The following ZGRF1 variants were observed in gnomAD, a reference collection of about 807,000 sequenced individuals.
The protein encoded by ZGRF1 is zinc finger GRF-type containing 1, also known as 5'-3' DNA helicase ZGRF1.
In ZGRF1, 196 loss-of-function variants were observed where a neutral mutation model predicts 203.5. That is an observed-to-expected ratio of 0.96 (90% CI 0.86 to 1.08). ZGRF1 has a LOEUF of 1.08. Among genes scored for constraint, ZGRF1 ranks in the 50% least tolerant of loss-of-function variants. The pLI, the probability that ZGRF1 is intolerant of heterozygous loss-of-function variation, is 0.00. For synonymous variants in ZGRF1, 809 were observed against 841.3 expected (o/e 0.96, Z 0.66); for missense variants, 2,326 against 2,416.3 (o/e 0.96, Z 0.78).
intron 24 of ZGRF1, among the ~76,000 whole-genome samples, chr4:112,545,869 A>G (rs939065525): frequency 6.6e-6 from 1 of 152,120 alleles, no homozygotes; most frequent in Non-Finnish European, 1.5e-5. Flanking sequence ...AATGACAAAT[A>G]CTGTATGACT....
At chr4:112,574,598 T>C (rs1014185915) in intron 16 of ZGRF1, among the ~76,000 whole-genome samples, 4 of 152,208 alleles carry the variant, frequency 2.6e-5, no homozygotes, top group Admixed American at 6.5e-5. Context: ...GGCTCACAGA[T>C]GCTTATTGTA....
chr4:112,588,779 T>C (rs924372202), intron 11 of ZGRF1, among the ~76,000 whole-genome samples: 1 of 152,192 alleles, frequency 6.6e-6, no homozygotes, highest in Non-Finnish European at 1.5e-5. Context: ...GGAGATCATC[T>C]GGAAAGTAGC....
chr4:112,571,232 T>A (rs926818630), intron 16 of ZGRF1, among the ~76,000 whole-genome samples: 2 of 152,062 alleles, frequency 1.3e-5, no homozygotes, highest in Non-Finnish European at 2.9e-5. Flanking sequence ...TATACTATCC[T>A]AAACAAAATA....
At chr4:112,566,645 T>G (rs1378375906) in intron 16 of ZGRF1, among the ~76,000 whole-genome samples, 1 of 152,084 alleles carries the variant, frequency 6.6e-6, no homozygotes, top group African/African-American at 2.4e-5. Flanking sequence ...TCATCTAAGA[T>G]GCTGAATTAG....
Position 112,539,570 on chromosome 4 carries a change from A to T in ZGRF1, c.6292T>A (p.Ser2098Thr), listed in dbSNP as rs1460204902. Residue 2098 changes from serine to threonine, a missense_variant, in exon 28 of 28, where the codon TCT (serine) becomes ACT (threonine). Coordinates refer to ENST00000505019, the MANE Select transcript of ZGRF1 (RefSeq NM_018392.5). ...KQKKKSEKEK[S>T]KDKSHS The stretch of plus-strand genomic sequence containing the variant: ...TTTTATGAATGAGATTTATCTTTAG[A>T]TTTCTCTTTTTCACTCTTTTTCTTC... 3 of 1,445,030 alleles carry T rather than the reference A, an allele frequency of 2.1e-6. No homozygotes were observed. The highest frequency in any genetic ancestry group is 2.9e-6 in the Non-Finnish European group (3 of 1,050,766). The allele number at this position is 1,445,030 out of a possible 1,614,324, so 89.5% of individuals were successfully genotyped here. A position where few individuals can be genotyped will look rare whatever the true frequency, so the allele number is the denominator to read the frequency against.
At chr4:112,596,021 GA>G (rs1748949028) in intron 10 of ZGRF1, among the ~76,000 whole-genome samples, 1 of 152,080 alleles carries the variant, frequency 6.6e-6, no homozygotes, top group African/African-American at 2.4e-5. Flanking sequence ...TTTTGTTTTA[GA>G]ACATTTTTGT....
At chr4:112,586,420 T>C (rs529636824) in intron 13 of ZGRF1, 25 bp downstream of exon 13, 4 of 1,557,740 alleles carry the variant, frequency 2.6e-6, no homozygotes, top group Admixed American at 1.9e-5. Context: ...GCAATCATGA[T>C]ACAATAAAAA....
intron 5 of ZGRF1, 68 bp from the exon 6 acceptor site, chr4:112,619,758 A>G: frequency 8.0e-7 from 1 of 1,243,690 alleles, no homozygotes; most frequent in Middle Eastern, 2.0e-4. Context: ...GAACTGGCTA[A>G]GAAAAAAAAA....
At chr4:112,606,210 T>A (rs1327271153) in intron 8 of ZGRF1, 119 bp from the exon 9 acceptor site, 6 of 655,906 alleles carry the variant, frequency 9.1e-6, no homozygotes, top group South Asian at 7.6e-5. Flanking sequence ...ACACTTGCCA[T>A]CTCTATCTTG....
chr4:112,606,470 T>A (rs1460682416), intron 8 of ZGRF1, among the ~76,000 whole-genome samples: 2 of 152,272 alleles, frequency 1.3e-5, no homozygotes, highest in African/African-American at 4.8e-5. Context: ...GAGACCAGCC[T>A]GACCACCATG....
At chr4:112,617,029 T>C (rs575975273) in intron 6 of ZGRF1, among the ~76,000 whole-genome samples, 2 of 152,012 alleles carry the variant, frequency 1.3e-5, no homozygotes, top group East Asian at 3.9e-4. Flanking sequence ...CCCAACTACT[T>C]GGGAGGCAGA....
At chr4:112,553,504 A>G (rs1740344407) in intron 22 of ZGRF1, among the ~76,000 whole-genome samples, 1 of 152,244 alleles carries the variant, frequency 6.6e-6, no homozygotes, top group Non-Finnish European at 1.5e-5. Flanking sequence ...CTAGAATACA[A>G]CTAATTTCAT....
rs539142803 is a variant in ZGRF1, at chr4:112,551,999, C to T, written c.5346+1836G>A. Among the ~76,000 whole-genome samples, 6 of 152,122 alleles carry T rather than the reference C, an allele frequency of 3.9e-5. No individual in the cohort carries two copies. In the East Asian group the frequency reaches 7.7e-4, roughly 20 times the overall value. ...CACTTTAGAAATGAGTCAGGTCTTC[C>T]GGGCGCGGTGGCTCATGCCTGTAAT... On this transcript the variant is annotated intron_variant, in intron 22 of 27. Coordinates refer to ENST00000505019, the MANE Select transcript of ZGRF1 (RefSeq NM_018392.5).
intron 16 of ZGRF1, 41 bp from the exon 17 acceptor site, chr4:112,563,315 C>G (rs182036970): frequency 6.9e-7 from 1 of 1,444,432 alleles, no homozygotes; most frequent in East Asian, 2.5e-5. Flanking sequence ...CAGACATATA[C>G]AGTATGGTTT....
intron 16 of ZGRF1, among the ~76,000 whole-genome samples, chr4:112,578,805 G>C (rs1260188932): frequency 8.2e-6 from 1 of 122,482 alleles, no homozygotes. Flanking sequence ...AAAAAGTCCA[G>C]GACCAGATGG....
chr4:112,626,399 A>C (rs2047240602), intron 3 of ZGRF1, among the ~76,000 whole-genome samples: 1 of 152,196 alleles, frequency 6.6e-6, no homozygotes, highest in Non-Finnish European at 1.5e-5. Context: ...CCTAAGAATA[A>C]CAAAAGTTCT....
intron 24 of ZGRF1, among the ~76,000 whole-genome samples, chr4:112,546,070 A>AGGT (rs1233870314): frequency 2.6e-5 from 1 of 39,068 alleles, no homozygotes; most frequent in African/African-American, 1.1e-4. Flanking sequence ...ATGTACTTTA[A>AGGT]AGTAATAATA....
At chr4:112,617,407 G>T (rs766225825) in intron 6 of ZGRF1, 33 bp downstream of exon 6, 2 of 1,463,222 alleles carry the variant, frequency 1.4e-6, no homozygotes, top group African/African-American at 2.8e-5. Flanking sequence ...GACCTATAAA[G>T]AAAACATTCC....
chr4:112,577,921 A>C (rs1421214098), intron 16 of ZGRF1, among the ~76,000 whole-genome samples: 3 of 120,974 alleles, frequency 2.5e-5, no homozygotes, highest in Non-Finnish European at 3.7e-5. Context: ...AGCTCTGCAC[A>C]AAGCGGACCT....
Sources: gnomAD v4.1 joint callset for allele counts (sites outside exome capture counted in the v4.1 genomes callset) on GRCh38, gnomAD v4.1.1 for gene constraint, MANE v1.5 for transcripts, NCBI Gene and HGNC (gene_info 2026-07-23, HGNC 2026-07-21) for gene names.